Variants in UBE2E3 observed in about 807,000 individuals in gnomAD.
UBE2E3 encodes the protein ubiquitin-conjugating enzyme E2 E3.
UBE2E3 carries 5 observed loss-of-function variants against 23.6 expected under a neutral mutation model. The ratio of observed to expected loss-of-function variants is 0.21; its 90% confidence interval spans 0.11 to 0.44. UBE2E3 has a LOEUF of 0.44. Ranked by LOEUF, UBE2E3 falls within the 20% of genes least tolerant of loss-of-function variation. The probability of loss-of-function intolerance (pLI) is 0.99; values close to 1 mark genes in which losing one functional copy is unlikely to be tolerated. For synonymous variants in UBE2E3, 78 were observed against 87.5 expected (o/e 0.89, Z 0.60); for missense variants, 81 against 249.8 (o/e 0.32, Z 4.55).
chr2:181,017,995 T>C (rs1685548937), intron 3 of UBE2E3, among the ~76,000 whole-genome samples: 1 of 151,882 alleles, frequency 6.6e-6, no homozygotes, highest in Non-Finnish European at 1.5e-5. Flanking sequence ...GCCTTTACTT[T>C]CTGCTTTCTC....
intron 3 of UBE2E3, among the ~76,000 whole-genome samples, chr2:180,987,955 G>A (rs1383129934): frequency 1.3e-5 from 2 of 152,134 alleles, no homozygotes; most frequent in Admixed American, 1.3e-4. Context: ...AAGTAGGTTT[G>A]AAAAGTGCTG....
At chr2:181,035,116 A>G (rs997906668) in intron 3 of UBE2E3, among the ~76,000 whole-genome samples, 1 of 152,172 alleles carries the variant, frequency 6.6e-6, no homozygotes, top group African/African-American at 2.4e-5. Flanking sequence ...TTCATATTTT[A>G]AAATTAATGT....
At chr2:180,994,934 C>T (rs777180495) in intron 3 of UBE2E3, among the ~76,000 whole-genome samples, 2 of 152,080 alleles carry the variant, frequency 1.3e-5, no homozygotes, top group African/African-American at 2.4e-5. Flanking sequence ...TCAAGAGAAT[C>T]GTTAATGTAA....
intron 3 of UBE2E3, among the ~76,000 whole-genome samples, chr2:181,041,473 C>A (rs1574212767): frequency 1.3e-5 from 2 of 150,950 alleles, no homozygotes; most frequent in African/African-American, 4.9e-5. Flanking sequence ...TGGAGTCTCT[C>A]TCCGTCGCCC....
chr2:180,985,894 A>ATT (rs1684451956), intron 3 of UBE2E3, among the ~76,000 whole-genome samples: 1 of 152,172 alleles, frequency 6.6e-6, no homozygotes, highest in African/African-American at 2.4e-5. Context: ...TCAGAGCAAT[A>ATT]GCCTAGTGTT....
chr2:181,037,262 G>A (rs549201248), intron 3 of UBE2E3, among the ~76,000 whole-genome samples: 8 of 152,258 alleles, frequency 5.3e-5, no homozygotes, highest in Non-Finnish European at 7.4e-5. Flanking sequence ...TGTATTTACT[G>A]TACTTTTTAT....
intron 3 of UBE2E3, among the ~76,000 whole-genome samples, chr2:180,988,113 A>T (rs987093791): frequency 6.6e-5 from 10 of 152,130 alleles, no homozygotes; most frequent in Non-Finnish European, 2.9e-5. Context: ...TAATAGGGTT[A>T]TTGTGAGGAT....
chr2:181,060,835 G>A, intron 5 of UBE2E3, 23 bp downstream of exon 5: 1 of 833,574 alleles, frequency 1.2e-6, no homozygotes, highest in Admixed American at 2.7e-5. Flanking sequence ...TTATTAACAT[G>A]TACAATAAGA....
chr2:181,010,362 TA>T (rs773697784), intron 3 of UBE2E3, among the ~76,000 whole-genome samples: 55 of 152,264 alleles, frequency 3.6e-4, no homozygotes, highest in Middle Eastern at 3.4e-3. Flanking sequence ...TGGGAAGGAT[TA>T]TTTTTTTGAG....
chr2:181,044,090 T>C (rs1235730192), intron 3 of UBE2E3, among the ~76,000 whole-genome samples: 1 of 152,136 alleles, frequency 6.6e-6, no homozygotes, highest in Non-Finnish European at 1.5e-5. Flanking sequence ...TTTAAAAGGC[T>C]GTATTTCTCC....
At chr2:181,036,163 C>T (rs769884485) in intron 3 of UBE2E3, among the ~76,000 whole-genome samples, 9 of 152,106 alleles carry the variant, frequency 5.9e-5, no homozygotes, top group Admixed American at 1.3e-4. Flanking sequence ...TTGATTCTGA[C>T]GTACTAGGTA....
chr2:181,040,433 A>AT lies in UBE2E3; in HGVS notation c.246-17253dup, dbSNP rs1411862100. 3.3e-5 allele frequency among the ~76,000 whole-genome samples: 5 copies of AT among 152,132 alleles called. No homozygotes were observed. The East Asian group carries it at 5.8e-4, about 18-fold the overall frequency. On this transcript the variant is annotated intron_variant, in intron 3 of 5. Coordinates refer to ENST00000410062, the MANE Select transcript of UBE2E3 (RefSeq NM_006357.4). ...AAAATAAATATTAGTGGATAGGAAA[A>AT]TTTTTTTATAAAGAATCAATTTTTT...
chr2:180,990,040 A>T, intron 3 of UBE2E3: 2 of 1,433,790 alleles, frequency 1.4e-6, no homozygotes, highest in Non-Finnish European at 1.9e-6. Context: ...TCCACATACC[A>T]ATTTTGACAG....
chr2:181,045,902 TTTG>T (rs2105467523), intron 3 of UBE2E3, among the ~76,000 whole-genome samples: 1 of 152,214 alleles, frequency 6.6e-6, no homozygotes, highest in South Asian at 2.1e-4. Flanking sequence ...CAACAATCAA[TTTG>T]TTAAGTACTA....
At chr2:181,056,984 T>C (rs1452560934) in intron 3 of UBE2E3, among the ~76,000 whole-genome samples, 1 of 151,450 alleles carries the variant, frequency 6.6e-6, no homozygotes, top group East Asian at 2.0e-4. Flanking sequence ...GTTACATGAA[T>C]CAAATCATGA....
In UBE2E3 at chr2:181,019,407, C is replaced by T. The variant is rs147136458; in HGVS notation, c.245+35314C>T. On this transcript the variant is annotated intron_variant, in intron 3 of 5. Transcript: ENST00000410062. ...TAACCTTGCATTAATCTTTTTTCTACCTGTAATATAAACTTTTAAACTTTC... is the reference window on the plus strand; with the variant it reads ...TAACCTTGCATTAATCTTTTTTCTATCTGTAATATAAACTTTTAAACTTTC... Among the ~76,000 whole-genome samples, 4 of 152,278 alleles carry T rather than the reference C, an allele frequency of 2.6e-5. No individual in the cohort carries two copies. The East Asian group carries it at 7.7e-4, about 29-fold the overall frequency.
chr2:180,986,695 G>C (rs1290254275), intron 3 of UBE2E3, among the ~76,000 whole-genome samples: 1 of 151,964 alleles, frequency 6.6e-6, no homozygotes, highest in Non-Finnish European at 1.5e-5. Flanking sequence ...TTTGGCTTTC[G>C]TGTGTAGTTA....
intron 3 of UBE2E3, among the ~76,000 whole-genome samples, chr2:181,024,450 A>C (rs1210376912): frequency 6.6e-6 from 1 of 152,154 alleles, no homozygotes; most frequent in African/African-American, 2.4e-5. Context: ...GTCATCATGG[A>C]GTAAACAAGC....
At chr2:181,045,673 A>G (rs1686652835) in intron 3 of UBE2E3, among the ~76,000 whole-genome samples, 1 of 152,150 alleles carries the variant, frequency 6.6e-6, no homozygotes, top group Admixed American at 6.6e-5. Flanking sequence ...TCCACAGGTG[A>G]TTACATTTGG....
Sources: allele counts gnomAD v4.1 joint callset (sites outside exome capture counted in the v4.1 genomes callset), GRCh38; gene constraint gnomAD v4.1.1; transcripts MANE v1.5; gene names NCBI Gene and HGNC (gene_info 2026-07-23, HGNC 2026-07-21).